Variants in GREB1 observed in about 807,000 individuals in gnomAD.
GREB1 encodes protein GREB1.
Under a neutral mutation model 200.7 loss-of-function variants are expected in GREB1, and 106 were observed. The ratio of observed to expected loss-of-function variants is 0.53; its 90% confidence interval spans 0.45 to 0.62. GREB1 has a LOEUF of 0.62. Among genes scored for constraint, GREB1 ranks in the 20% least tolerant of loss-of-function variants. The probability of loss-of-function intolerance (pLI) is 0.00; values close to 1 mark genes in which losing one functional copy is unlikely to be tolerated. For missense variants in GREB1, 2,243 were observed against 2,556.8 expected (o/e 0.88, Z 2.65); for synonymous variants, 1,132 against 1,092.4 (o/e 1.04, Z -0.72).
At chr2:11,621,141 G>T (rs1683980508) in intron 23 of GREB1, 134 bp downstream of exon 23, 1 of 644,582 alleles carries the variant, frequency 1.6e-6, no homozygotes, top group South Asian at 1.9e-5. Context: ...GACCTTGTAG[G>T]GGGTGCTATT....
At chr2:11,595,410 G>A (rs184191764) in intron 12 of GREB1, 31 bp downstream of exon 12, 48 of 1,605,018 alleles carry the variant, frequency 3.0e-5, no homozygotes, top group East Asian at 2.5e-4. Flanking sequence ...GTGCACATGC[G>A]TATGTTAATA....
chr2:11,573,113 C>G (rs1017063092), intron 4 of GREB1, among the ~76,000 whole-genome samples: 1 of 152,174 alleles, frequency 6.6e-6, no homozygotes, highest in African/African-American at 2.4e-5. Context: ...GGATTTGAAC[C>G]CAGGCCCCTC....
chr2:11,587,948 G>A (rs1225154009), intron 9 of GREB1: 2 of 992,680 alleles, frequency 2.0e-6, no homozygotes, highest in Non-Finnish European at 2.4e-6. Context: ...CTGATGGGCT[G>A]GGCACGGTGG....
At chr2:11,573,008 G>A (rs750729736) in intron 4 of GREB1, among the ~76,000 whole-genome samples, 15 of 152,196 alleles carry the variant, frequency 9.9e-5, no homozygotes, top group Non-Finnish European at 2.9e-5. Context: ...CATGATAGGT[G>A]CACTATGAAG....
rs966576834 is a variant in GREB1 at position 11,587,521 on chromosome 2, T to G, written c.1160-1225T>G. The G allele has an allele frequency of 7.7e-6, 12 of 1,567,272 alleles. 1 individual carries two copies. The South Asian group carries it at 1.4e-4, about 18-fold the overall frequency. ...CCACTTCTGCATCAGAAGCCCTGGG[T>G]GGCACCAGCAAGTGTTTGGCAAGCC... On this transcript the variant is annotated intron_variant, in intron 9 of 32. Transcript: ENST00000381486.
intron 1 of GREB1, among the ~76,000 whole-genome samples, chr2:11,545,714 C>T (rs1023944026): frequency 1.3e-5 from 2 of 152,172 alleles, no homozygotes; most frequent in African/African-American, 4.8e-5. Context: ...CACCCAGCCT[C>T]AATTTCCTAA....
chr2:11,485,021 A>G (rs1672621162), intron 1 of GREB1, among the ~76,000 whole-genome samples: 1 of 152,010 alleles, frequency 6.6e-6, no homozygotes, highest in Non-Finnish European at 1.5e-5. Context: ...TTGTATTTTC[A>G]GTAGAGACGG....
At position 11,638,662 on chromosome 2, in the gene GREB1, C is replaced by T. The variant is rs2148459878; in HGVS notation, c.5548-9C>T. 1 of 1,609,480 alleles carries T rather than the reference C, an allele frequency of 6.2e-7. No individual in the cohort carries two copies. The highest frequency in any genetic ancestry group is 8.5e-7 in the Non-Finnish European group (1 of 1,178,902). The stretch of plus-strand genomic sequence containing the variant: ...AACGGTGCCCTCTCTTGGATTTCTT[C>T]TTTTTCAGATTTCTGTTTGCTATGT... On this transcript the variant is annotated splice_polypyrimidine_tract_variant and intron_variant, in intron 31 of 32. Coordinates refer to ENST00000381486, the MANE Select transcript of GREB1 (RefSeq NM_014668.4).
At chr2:11,487,661 G>A (rs758024828) in intron 1 of GREB1, among the ~76,000 whole-genome samples, 7 of 152,190 alleles carry the variant, frequency 4.6e-5, no homozygotes, top group Non-Finnish European at 7.3e-5. Flanking sequence ...TAAAACATGT[G>A]CAAAAATAGA....
chr2:11,592,189 T>C, intron 10 of GREB1: 4 of 366,390 alleles, frequency 1.1e-5, no homozygotes, highest in Non-Finnish European at 1.5e-5. Context: ...TTTTTTTTCT[T>C]TTTTTTTTTT....
chr2:11,607,224 C>T (rs1455068966), intron 17 of GREB1, among the ~76,000 whole-genome samples: 1 of 151,972 alleles, frequency 6.6e-6, no homozygotes, highest in Non-Finnish European at 1.5e-5. Flanking sequence ...GCTGGGACTA[C>T]AGGTGCATGC....
intron 1 of GREB1, among the ~76,000 whole-genome samples, chr2:11,482,921 C>T (rs1672540600): frequency 6.6e-6 from 1 of 151,178 alleles, no homozygotes; most frequent in Non-Finnish European, 1.5e-5. Context: ...GCGGCGGGCG[C>T]TCAGGAGCGG....
In GREB1 at chr2:11,641,533, T is replaced by A. The variant is rs953794025; in HGVS notation, c.*1079T>A. The A allele has an allele frequency of 2.0e-5, 3 of 151,940 alleles. No individual in the cohort carries two copies. Among genetic ancestry groups the A allele is most frequent in the Non-Finnish European group, 2.9e-5 (2 of 68,110 alleles). 9.4% of individuals were successfully genotyped at this position (151,940 alleles called of 1,614,324 possible). On this transcript the variant is annotated 3_prime_UTR_variant, in exon 33 of 33. Coordinates refer to ENST00000381486, the MANE Select transcript of GREB1 (RefSeq NM_014668.4). The stretch of plus-strand genomic sequence containing the variant: ...TGGACTCTAGCTCTGTCACCCAGGC[T>A]GGAGTGCAGTGGTGCGATCTCGGCT...
At position 11,595,221 on chromosome 2, in the gene GREB1, T is replaced by G. The variant is rs764704719; in HGVS notation, c.1697-30T>G. ...CAGCCCGTAAGCAGGGAAGATACAA[T>G]GGGTACTGTGAAATCTGTTTGCTTT... On this transcript the variant is annotated intron_variant, in intron 11 of 32. Coordinates refer to ENST00000381486, the MANE Select transcript of GREB1 (RefSeq NM_014668.4). The G allele has an allele frequency of 1.9e-6, 3 of 1,596,344 alleles. No homozygotes were observed. In the South Asian group the frequency reaches 3.4e-5, roughly 18 times the overall value.
At chr2:11,583,318 T>C (rs560248655) in intron 7 of GREB1, among the ~76,000 whole-genome samples, 14 of 152,240 alleles carry the variant, frequency 9.2e-5, no homozygotes, top group South Asian at 4.1e-4. Flanking sequence ...CCCATCGCAA[T>C]TGGGGACAGA....
chr2:11,500,022 C>A (rs1204366953), intron 1 of GREB1, among the ~76,000 whole-genome samples: 2 of 152,020 alleles, frequency 1.3e-5, no homozygotes, highest in African/African-American at 2.4e-5. Context: ...CACTCTGTCA[C>A]CCAGGCTGGA....
At chr2:11,500,524 G>A (rs553415292) in intron 1 of GREB1, among the ~76,000 whole-genome samples, 69 of 150,668 alleles carry the variant, frequency 4.6e-4, no homozygotes, top group Non-Finnish European at 2.2e-4. Flanking sequence ...GGCTGGTCTC[G>A]AACTCCTGAC....
chr2:11,483,115 G>A (rs1418609067), intron 1 of GREB1, among the ~76,000 whole-genome samples: 1 of 152,048 alleles, frequency 6.6e-6, no homozygotes, highest in Admixed American at 6.5e-5. Flanking sequence ...GAGGTGGAAG[G>A]TGTCCGGGAT....
intron 1 of GREB1, among the ~76,000 whole-genome samples, chr2:11,502,835 T>TAACA (rs2148430865): frequency 6.6e-6 from 1 of 152,348 alleles, no homozygotes; most frequent in South Asian, 2.1e-4. Flanking sequence ...TTAACTGTGT[T>TAACA]AACAAGTCCA....
Sources: allele counts gnomAD v4.1 joint callset (sites outside exome capture counted in the v4.1 genomes callset), GRCh38; gene constraint gnomAD v4.1.1; transcripts MANE v1.5; gene names NCBI Gene and HGNC (gene_info 2026-07-23, HGNC 2026-07-21).